Variants in SLC39A14 observed in about 807,000 individuals in gnomAD.
The protein encoded by SLC39A14 is solute carrier family 39 member 14.
SLC39A14 carries 19 observed loss-of-function variants against 45.5 expected under a neutral mutation model. The ratio of observed to expected loss-of-function variants is 0.42; its 90% CI spans 0.29 to 0.61. SLC39A14 has a LOEUF of 0.61. Among genes scored for constraint, SLC39A14 ranks in the 20% least tolerant of loss-of-function variants. SLC39A14 has a pLI of 0.22. For synonymous variants in SLC39A14, 264 were observed against 251.3 expected (o/e 1.05, Z -0.48); for missense variants, 447 against 616.5 (o/e 0.73, Z 2.91).
chr8:22,415,820 G>C lies in SLC39A14; in HGVS notation c.802G>C (p.Asp268His). 1.2e-6 allele frequency: 2 copies of C among 1,613,668 alleles called. No homozygotes were observed. Among genetic ancestry groups the C allele is most frequent in the Non-Finnish European group, 1.7e-6 (2 of 1,179,912 alleles). The change falls in exon 6 of 9, where the codon GAC (aspartate) becomes CAC (histidine). Residue 268 changes from aspartate to histidine, a missense_variant. Around this residue, in one of 2 missense-constraint regions of SLC39A14, gnomAD observed 342 missense variants for 428.1 expected, o/e 0.80. Coordinates refer to ENST00000381237, the MANE Select transcript of SLC39A14 (RefSeq NM_001128431.4). ...CTCTGAGTCGCTTCCCTCCAAGAAG[G>C]ACCAGGAGGAGGGGGTGATGGAGAA... ...YASESLPSKK[D>H]QEEGVMEKLQ...
rs764557644 is a variant in SLC39A14 at position 22,373,999 on chromosome 8, C to T, written c.-16+6591C>T. The stretch of plus-strand genomic sequence containing the variant: ...GGTCTCGAACTCGAGCTCAAGTGAT[C>T]CACCGGTCTTGGCCTCCCGAAGTGC... On this transcript the variant is annotated intron_variant, in intron 1 of 8. Transcript: ENST00000381237. 7.3e-5 allele frequency among the ~76,000 whole-genome samples: 11 copies of T among 151,354 alleles called. 1 individual carries two copies. In the South Asian group the frequency reaches 1.9e-3, roughly 26 times the overall value.
chr8:22,381,994 A>G (rs909657569), intron 1 of SLC39A14, among the ~76,000 whole-genome samples: 1 of 152,084 alleles, frequency 6.6e-6, no homozygotes, highest in African/African-American at 2.4e-5. Flanking sequence ...TACAAAAATT[A>G]GCCAGGTGTG....
rs907568888 is a variant in SLC39A14 at position 22,408,301 on chromosome 8, G to A, written c.271-9G>A. On this transcript the variant is annotated splice_polypyrimidine_tract_variant and intron_variant, in intron 2 of 8. Transcript: ENST00000381237. ...GTCTAAGCGGCTTCCTGCCCTTCCT[G>A]TGTTTCAGTGCTTTAGTTCTGGAGA... The A allele has an allele frequency of 6.2e-7, 1 of 1,610,748 alleles. No homozygotes were observed. The highest frequency in any genetic ancestry group is 8.5e-7 in the Non-Finnish European group (1 of 1,177,342).
chr8:22,415,691 A>C, intron 5 of SLC39A14, 78 bp from the exon 6 acceptor site: 6 of 1,373,718 alleles, frequency 4.4e-6, no homozygotes, highest in Non-Finnish European at 6.0e-6. Context: ...TGTGTGAAGC[A>C]CTTCCTTGGA....
chr8:22,407,128 C>G (rs1009520319), intron 2 of SLC39A14, among the ~76,000 whole-genome samples: 2 of 152,212 alleles, frequency 1.3e-5, no homozygotes, highest in African/African-American at 4.8e-5. Flanking sequence ...CCTCCCCTAA[C>G]CTCTGTGAAC....
chr8:22,383,563 G>T (rs1278235711), intron 1 of SLC39A14, among the ~76,000 whole-genome samples: 1 of 152,156 alleles, frequency 6.6e-6, no homozygotes, highest in Admixed American at 6.5e-5. Flanking sequence ...CCCCGGCCAG[G>T]CCCCAGGGAC....
In SLC39A14 at chr8:22,404,812, T is replaced by G; in HGVS notation, c.102T>G (p.Gly34=). The G allele has an allele frequency of 6.2e-7, 1 of 1,613,550 alleles. No homozygotes were observed. Among genetic ancestry groups the G allele is most frequent in the East Asian group, 2.2e-5 (1 of 44,878 alleles). ...TTPEAHASSL[G]APAISAASFL... ...CTGAGGCTCACGCTTCATCCCTGGG[T>G]GCACCAGCTATCAGCGCTGCCTCCT... The change falls in exon 2 of 9, where the codon GGT becomes GGG. Residue 34 remains glycine, a synonymous_variant. Coordinates refer to ENST00000381237, the MANE Select transcript of SLC39A14 (RefSeq NM_001128431.4).
At chr8:22,401,149 G>A (rs986220475) in intron 1 of SLC39A14, among the ~76,000 whole-genome samples, 2 of 152,186 alleles carry the variant, frequency 1.3e-5, no homozygotes, top group African/African-American at 2.4e-5. Flanking sequence ...AAGCTGCGTC[G>A]CTGCTTTGAG....
chr8:22,404,249 C>G (rs1835061818), intron 1 of SLC39A14, among the ~76,000 whole-genome samples: 1 of 152,004 alleles, frequency 6.6e-6, no homozygotes, highest in South Asian at 2.1e-4. Flanking sequence ...CATGATGAAA[C>G]CCGATCTCTA....
At chr8:22,412,585 T>TG (rs1158913680) in intron 4 of SLC39A14, among the ~76,000 whole-genome samples, 1 of 152,134 alleles carries the variant, frequency 6.6e-6, no homozygotes, top group Non-Finnish European at 1.5e-5. Context: ...AAAGATGCAG[T>TG]GTAGCGAGCT....
Position 22,420,181 on chromosome 8 carries a change from C to G in SLC39A14, c.*483C>G. ...AATAGAAGAGACAGGAGACAGGAAGCCTTCCCATTTTTTCAAAGTCTGTTT... is the reference window on the plus strand; with the variant it reads ...AATAGAAGAGACAGGAGACAGGAAGGCTTCCCATTTTTTCAAAGTCTGTTT... On this transcript the variant is annotated 3_prime_UTR_variant, in exon 9 of 9. Coordinates refer to ENST00000381237, the MANE Select transcript of SLC39A14 (RefSeq NM_001128431.4). 1.0e-6 allele frequency: 1 copy of G among 986,070 alleles called. No homozygotes were observed. Among genetic ancestry groups the G allele is most frequent in the Non-Finnish European group, 1.2e-6 (1 of 830,422 alleles). The allele number at this position is 986,070 out of a possible 1,614,324, so 61.1% of individuals were successfully genotyped here.
chr8:22,427,156 G>GT (rs1836401309), downstream of SLC39A14, among the ~76,000 whole-genome samples: 1 of 151,936 alleles, frequency 6.6e-6, no homozygotes, highest in African/African-American at 2.4e-5. Flanking sequence ...GCCGGGTGTG[G>GT]TGGCACACCC....
chr8:22,398,849 T>G, intron 1 of SLC39A14: 1 of 584,574 alleles, frequency 1.7e-6, no homozygotes, highest in Non-Finnish European at 2.2e-6. Flanking sequence ...ACTTCTGCGC[T>G]TCCATAGAGG....
chr8:22,369,456 C>G (rs1029840341), intron 1 of SLC39A14, among the ~76,000 whole-genome samples: 3 of 152,196 alleles, frequency 2.0e-5, no homozygotes, highest in Non-Finnish European at 4.4e-5. Context: ...TGTGGATGTA[C>G]ATTGCCTGGT....
chr8:22,416,403 C>T (rs993158222), intron 7 of SLC39A14, 123 bp downstream of exon 7: 9 of 808,834 alleles, frequency 1.1e-5, no homozygotes, highest in Non-Finnish European at 1.8e-5. Context: ...TGATTTAACA[C>T]ACTCCTAAAG....
intron 1 of SLC39A14, among the ~76,000 whole-genome samples, chr8:22,369,014 C>T (rs536527788): frequency 1.3e-5 from 2 of 152,278 alleles, no homozygotes; most frequent in Admixed American, 1.3e-4. Context: ...TGTCCAGAAT[C>T]ATAACTTAGC....
At chr8:22,406,266 C>T (rs1316890849) in intron 2 of SLC39A14, among the ~76,000 whole-genome samples, 1 of 151,654 alleles carries the variant, frequency 6.6e-6, no homozygotes, top group East Asian at 1.9e-4. Context: ...CTGGCCAACA[C>T]AGTGAAACCC....
rs1835790380 is a variant in SLC39A14 at position 22,415,021 on chromosome 8, ACT to A, written c.750+122_750+123del. On this transcript the variant is annotated intron_variant, in intron 5 of 8. Coordinates refer to ENST00000381237, the MANE Select transcript of SLC39A14 (RefSeq NM_001128431.4). ...AGCCCAATATCACAATTTCCGTGAA[ACT>A]CTAATTTCTTGAGGAGACAATCCCA... The A allele has an allele frequency of 7.3e-6, 9 of 1,238,628 alleles. No homozygotes were observed. In the East Asian group the frequency reaches 2.0e-4, roughly 28 times the overall value. 76.7% of individuals were successfully genotyped at this position (1,238,628 alleles called of 1,614,324 possible).
chr8:22,426,919 AG>A (rs1836396534), downstream of SLC39A14, among the ~76,000 whole-genome samples: 1 of 152,006 alleles, frequency 6.6e-6, no homozygotes, highest in African/African-American at 2.4e-5. Flanking sequence ...TCCTGACCTC[AG>A]GTGATCCACC....
Sources: gnomAD v4.1 joint callset for allele counts (sites outside exome capture counted in the v4.1 genomes callset) on GRCh38, gnomAD v4.1.1 for gene constraint, gnomAD v4.1.1 regional missense constraint, MANE v1.5 for transcripts, NCBI Gene and HGNC (gene_info 2026-07-23, HGNC 2026-07-21) for gene names.